Variants in CTXND2 observed in about 807,000 individuals in gnomAD.
CTXND2 encodes cortexin domain containing 2.
In CTXND2 at chr1:150,889,078, A is replaced by G. The variant is rs955705843; in HGVS notation, c.-74+1765A>G. Among the ~76,000 whole-genome samples, 5 of 152,000 alleles carry G rather than the reference A, an allele frequency of 3.3e-5. 1 individual carries two copies. Among genetic ancestry groups the G allele is most frequent in the Middle Eastern group, 3.2e-3 (1 of 316 alleles). The stretch of plus-strand genomic sequence containing the variant: ...ATATTGTATCAGTGCATTTAAATTC[A>G]GCCTACCTCAGACTGATTTCATCCT... On this transcript the variant is annotated intron_variant, in intron 1 of 1. Coordinates refer to ENST00000636087, the Ensembl canonical transcript of CTXND2.
chr1:150,892,668 A>G (rs1188718378), intron 1 of CTXND2, among the ~76,000 whole-genome samples: 1 of 151,716 alleles, frequency 6.6e-6, no homozygotes, highest in East Asian at 1.9e-4. Flanking sequence ...CCTCCCAAGT[A>G]GCTGGGACTA....
chr1:150,906,943 A>T (rs1259097101), intron 1 of CTXND2, among the ~76,000 whole-genome samples: 1 of 152,146 alleles, frequency 6.6e-6, no homozygotes, highest in Non-Finnish European at 1.5e-5. Context: ...AAAACTACAA[A>T]CATCCTTCAC....
At chr1:150,905,342 C>T (rs1669122125) in intron 1 of CTXND2, among the ~76,000 whole-genome samples, 1 of 151,476 alleles carries the variant, frequency 6.6e-6, no homozygotes, top group African/African-American at 2.4e-5. Context: ...TGAGGTTTCA[C>T]CATGTTGGCC....
At chr1:150,898,176 A>G (rs1468318181) in intron 1 of CTXND2, among the ~76,000 whole-genome samples, 1 of 149,870 alleles carries the variant, frequency 6.7e-6, no homozygotes, top group Non-Finnish European at 1.5e-5. Context: ...TCTTTCTAGG[A>G]TGATGTTCAG....
intron 1 of CTXND2, among the ~76,000 whole-genome samples, chr1:150,894,941 A>T (rs1230894896): frequency 6.6e-6 from 1 of 151,996 alleles, no homozygotes; most frequent in African/African-American, 2.4e-5. Flanking sequence ...AGGCTGACAC[A>T]GGAGAATTGC....
chr1:150,897,904 C>A (rs1668931492), intron 1 of CTXND2, among the ~76,000 whole-genome samples: 1 of 152,190 alleles, frequency 6.6e-6, no homozygotes, highest in South Asian at 2.1e-4. Flanking sequence ...CAACTCTGTA[C>A]CATAATGACC....
chr1:150,887,196 C>G (rs1668785792), exon 1 of CTXND2: 1 of 152,302 alleles, frequency 6.6e-6, no homozygotes. Context: ...AGCTACCAAC[C>G]ACTCTCCTTT....
At chr1:150,892,471 A>T (rs587647507) in intron 1 of CTXND2, among the ~76,000 whole-genome samples, 9 of 151,280 alleles carry the variant, frequency 5.9e-5, no homozygotes, top group African/African-American at 2.2e-4. Flanking sequence ...TTGATTGCTG[A>T]TAAGGAAAAT....
chr1:150,909,651 T>A (rs1415096744), intron 1 of CTXND2, among the ~76,000 whole-genome samples: 1 of 152,188 alleles, frequency 6.6e-6, no homozygotes, highest in Admixed American at 6.5e-5. Flanking sequence ...TACATTTAGG[T>A]CTTTGATCCA....
chr1:150,898,068 A>C (rs141708828), intron 1 of CTXND2, among the ~76,000 whole-genome samples: 235 of 152,238 alleles, frequency 1.5e-3, no homozygotes, highest in African/African-American at 5.5e-3. Context: ...TATTTAAGAG[A>C]CATGGTCTTG....
intron 1 of CTXND2, among the ~76,000 whole-genome samples, chr1:150,904,715 A>T (rs964004566): frequency 6.6e-6 from 1 of 152,166 alleles, no homozygotes; most frequent in African/African-American, 2.4e-5. Flanking sequence ...TCTAATTAGA[A>T]TTCCCTGTAT....
chr1:150,900,601 T>G (rs1668999138), intron 1 of CTXND2, among the ~76,000 whole-genome samples: 1 of 152,052 alleles, frequency 6.6e-6, no homozygotes, highest in Non-Finnish European at 1.5e-5. Context: ...TCAGCTGAGA[T>G]TGCTCCACTG....
chr1:150,899,512 A>G (rs1668964728), intron 1 of CTXND2, among the ~76,000 whole-genome samples: 1 of 152,216 alleles, frequency 6.6e-6, no homozygotes, highest in Non-Finnish European at 1.5e-5. Flanking sequence ...CCATACAAAT[A>G]GTAAAAAAAG....
chr1:150,890,002 A>G (rs1056277037), intron 1 of CTXND2, among the ~76,000 whole-genome samples: 5 of 152,058 alleles, frequency 3.3e-5, no homozygotes, highest in Non-Finnish European at 7.4e-5. Context: ...TACCTGAAAG[A>G]ACAAAATTCA....
At position 150,900,091 on chromosome 1, in the gene CTXND2, C is replaced by A. The variant is rs193009340; in HGVS notation, c.-73-12151C>A. ...GGCCGCCTGAGCCAGCAGCAGCAAC[C>A]CGTTCGGGTCCCTTTCCACCGTGTG... On this transcript the variant is annotated intron_variant, in intron 1 of 1. Transcript: ENST00000636087. 5.3e-5 allele frequency among the ~76,000 whole-genome samples: 8 copies of A among 152,216 alleles called. No individual in the cohort carries two copies. In the East Asian group the frequency reaches 1.5e-3, roughly 29 times the overall value.
intron 1 of CTXND2, among the ~76,000 whole-genome samples, chr1:150,910,854 G>T (rs1669243366): frequency 6.6e-6 from 1 of 151,920 alleles, no homozygotes; most frequent in African/African-American, 2.4e-5. Flanking sequence ...ACCCAGGCTG[G>T]AGTGCAGTGG....
At chr1:150,901,097 G>C in intron 1 of CTXND2, among the ~76,000 whole-genome samples, 1 of 152,168 alleles carries the variant, frequency 6.6e-6, no homozygotes, top group Non-Finnish European at 1.5e-5. Context: ...GGGTGACAGA[G>C]TGAGACCCTG....
At chr1:150,898,821 C>T (rs6686064) in intron 1 of CTXND2, among the ~76,000 whole-genome samples, 65,194 of 146,704 alleles carry the variant, frequency 0.44, 14,995 homozygotes, top group African/African-American at 0.56. Context: ...CTCACGCCTG[C>T]AATCCCAACA....
intron 1 of CTXND2, among the ~76,000 whole-genome samples, chr1:150,902,404 CAAAA>C (rs796914143): frequency 1.8e-4 from 22 of 124,046 alleles, no homozygotes; most frequent in African/African-American, 5.7e-4. Context: ...GAGACTGCCT[CAAAA>C]AAAAAAAAAA....
Sources: gnomAD v4.1 joint callset for allele counts (sites outside exome capture counted in the v4.1 genomes callset) on GRCh38, gnomAD v4.1.1 for gene constraint, MANE v1.5 for transcripts, NCBI Gene and HGNC (gene_info 2026-07-23, HGNC 2026-07-21) for gene names.